Variants in LRRC31 observed in about 807,000 individuals in gnomAD.
The protein encoded by LRRC31 is leucine-rich repeat-containing protein 31.
LRRC31 carries 35 observed loss-of-function variants against 46.7 expected under a neutral mutation model. The ratio of observed to expected loss-of-function variants is 0.75; its 90% CI spans 0.57 to 0.99. The LOEUF (loss-of-function observed/expected upper bound fraction) is 0.99. Among genes scored for constraint, LRRC31 ranks in the 50% least tolerant of loss-of-function variants. The pLI is 0.00. For missense variants in LRRC31, 613 were observed against 626.1 expected, an observed-to-expected ratio of 0.98 and a Z score of 0.22; for synonymous variants, 236 against 235.1, an observed-to-expected ratio of 1.00 and a Z score of -0.03.
At chr3:169,867,047 G>GTTTTTTTTTTT (rs1560636105) in intron 1 of LRRC31, among the ~76,000 whole-genome samples, 2 of 92,678 alleles carry the variant, frequency 2.2e-5, no homozygotes, top group South Asian at 2.6e-4. Context: ...GGTTTTTTTT[G>GTTTTTTTTTTT]TTTGTTTGTT....
chr3:169,866,123 G>A (rs765041523), intron 1 of LRRC31, among the ~76,000 whole-genome samples: 1 of 152,186 alleles, frequency 6.6e-6, no homozygotes, highest in Admixed American at 6.5e-5. Context: ...TTAAGCAGGC[G>A]AGAGACACCA....
chr3:169,869,794 C>T lies in LRRC31; in HGVS notation c.14G>A (p.Arg5Lys). 1 of 1,611,780 alleles carries T rather than the reference C, an allele frequency of 6.2e-7. No individual in the cohort carries two copies. Among genetic ancestry groups the T allele is most frequent in the South Asian group, 1.1e-5 (1 of 90,044 alleles). The change falls in exon 1 of 9, where the codon AGG becomes AAG. Residue 5 changes from arginine (R) to lysine (K), a missense_variant. Transcript: ENST00000316428. Reference sequence around the variant, plus strand: ...TTCTCCTTCTGAGGAAGTTTTCTTCCTTGTTTGACTCATGGTGAAGTTGAT... The same window carrying T: ...TTCTCCTTCTGAGGAAGTTTTCTTCTTTGTTTGACTCATGGTGAAGTTGAT... Reference protein sequence around the residue: MSQTRKKTSSEGETK... With the variant: MSQTKKKTSSEGETK...
intron 1 of LRRC31, among the ~76,000 whole-genome samples, chr3:169,865,552 C>T (rs1024683335): frequency 6.6e-6 from 1 of 152,194 alleles, no homozygotes; most frequent in Non-Finnish European, 1.5e-5. Context: ...AACATTATTA[C>T]ACATTGGTAA....
chr3:169,862,152 G>A (rs546840319), intron 1 of LRRC31, among the ~76,000 whole-genome samples: 2 of 152,260 alleles, frequency 1.3e-5, no homozygotes, highest in Admixed American at 1.3e-4. Flanking sequence ...TGAAGGGCAC[G>A]CATATCTTTG....
intron 8 of LRRC31, among the ~76,000 whole-genome samples, chr3:169,843,110 A>G (rs909665155): frequency 6.6e-6 from 1 of 152,182 alleles, no homozygotes; most frequent in African/African-American, 2.4e-5. Context: ...ACCTAATCAC[A>G]TGAGCCCTTT....
At chr3:169,859,775 G>A (rs1260127827) in intron 3 of LRRC31, among the ~76,000 whole-genome samples, 1 of 152,156 alleles carries the variant, frequency 6.6e-6, no homozygotes, top group Non-Finnish European at 1.5e-5. Flanking sequence ...CTTAATTCTT[G>A]TCTACTCTAA....
chr3:169,844,651 A>T (rs1034138641), intron 8 of LRRC31, among the ~76,000 whole-genome samples: 30 of 152,298 alleles, frequency 2.0e-4, no homozygotes, highest in African/African-American at 7.0e-4. Flanking sequence ...ATCTGTCTCT[A>T]GGCCGGGCAC....
At chr3:169,841,970 A>G (rs1393079662) in intron 8 of LRRC31, among the ~76,000 whole-genome samples, 1 of 152,122 alleles carries the variant, frequency 6.6e-6, no homozygotes, top group Admixed American at 6.6e-5. Flanking sequence ...GCTTGAACCC[A>G]GGAGGTGGAG....
At chr3:169,865,399 A>AC (rs1781300574) in intron 1 of LRRC31, among the ~76,000 whole-genome samples, 1 of 152,178 alleles carries the variant, frequency 6.6e-6, no homozygotes, top group South Asian at 2.1e-4. Context: ...TAGTAACCAC[A>AC]CAGGAGCCGC....
At chr3:169,845,547 GCCA>G (rs1456707884) in intron 8 of LRRC31, among the ~76,000 whole-genome samples, 1 of 152,138 alleles carries the variant, frequency 6.6e-6, no homozygotes, top group African/African-American at 2.4e-5. Flanking sequence ...CCAGAAGTAG[GCCA>G]TCACAAATAT....
chr3:169,856,734 G>A lies in LRRC31; in HGVS notation c.626C>T (p.Ser209Phe). 6.3e-7 allele frequency: 1 copy of A among 1,597,470 alleles called. No homozygotes were observed. The highest frequency in any genetic ancestry group is 8.5e-7 in the Non-Finnish European group (1 of 1,171,722). ...AAATGTCCCATCTTCTGACGTGAGG[G>A]AGCAATCCACAAGCTCAATCATTTG... ...KIQMIELVDC[S>F]LTSEDGTFLG... The change falls in exon 4 of 9, where the codon TCC becomes TTC. Residue 209 changes from serine to phenylalanine, a missense_variant. Coordinates refer to ENST00000316428, the MANE Select transcript of LRRC31 (RefSeq NM_024727.4).
chr3:169,839,919 A>C lies in LRRC31; in HGVS notation c.*63T>G. 7.5e-7 allele frequency: 1 copy of C among 1,342,048 alleles called. No individual in the cohort carries two copies. Among genetic ancestry groups the C allele is most frequent in the Non-Finnish European group, 1.0e-6 (1 of 973,102 alleles). The allele number at this position is 1,342,048 out of a possible 1,614,324, so 83.1% of individuals were successfully genotyped here. On this transcript the variant is annotated 3_prime_UTR_variant, in exon 9 of 9. Transcript: ENST00000316428. ...TTGAAATTCAGTTCATGACTCTGGA[A>C]TTCGTTCATGTTCTTTTCCTTTGGA...
At chr3:169,848,467 T>A (rs1044876530) in intron 7 of LRRC31, among the ~76,000 whole-genome samples, 180 bp from the exon 8 acceptor site, 1 of 152,088 alleles carries the variant, frequency 6.6e-6, no homozygotes, top group Non-Finnish European at 1.5e-5. Flanking sequence ...GTTTTTTGTT[T>A]TTTGTTTTGA....
At chr3:169,858,725 T>A (rs1325405110) in intron 3 of LRRC31, among the ~76,000 whole-genome samples, 3 of 152,178 alleles carry the variant, frequency 2.0e-5, no homozygotes, top group African/African-American at 7.2e-5. Context: ...CACTAGAGGC[T>A]GGGCATGGTG....
intron 5 of LRRC31, among the ~76,000 whole-genome samples, chr3:169,855,455 C>A (rs1196022862): frequency 6.6e-6 from 1 of 152,158 alleles, no homozygotes; most frequent in Non-Finnish European, 1.5e-5. Flanking sequence ...CATACATTGC[C>A]AAGGGTTTTG....
intron 8 of LRRC31, among the ~76,000 whole-genome samples, chr3:169,841,412 T>C (rs143608619): frequency 1.3e-5 from 2 of 152,314 alleles, no homozygotes; most frequent in Non-Finnish European, 2.9e-5. Context: ...TCCAACTCCA[T>C]CACTTTCACT....
chr3:169,854,899 G>A lies in LRRC31; in HGVS notation c.905C>T (p.Ser302Leu), dbSNP rs369161694. The change falls in exon 6 of 9, where the codon TCG (serine) becomes TTG (leucine). Residue 302 changes from serine (S) to leucine (L), a missense_variant. Transcript: ENST00000316428. ...CTTTAGCATGACCAACTGAGCCGGC[G>A]AGTCTTCAAAACCTCCACCTAGATC... ...NKDLGGGFED[S>L]PAQLVMLKHL... 22 of 1,613,544 alleles carry A rather than the reference G, an allele frequency of 1.4e-5. No individual in the cohort carries two copies. The highest frequency in any genetic ancestry group is 1.6e-5 in the Non-Finnish European group (19 of 1,179,814).
At chr3:169,848,639 A>G (rs1191219997) in intron 7 of LRRC31, among the ~76,000 whole-genome samples, 3 of 152,064 alleles carry the variant, frequency 2.0e-5, no homozygotes. Flanking sequence ...TTTGTATTTT[A>G]ATAGAGACGC....
At chr3:169,852,265 C>T (rs997980448) in intron 6 of LRRC31, among the ~76,000 whole-genome samples, 2 of 150,524 alleles carry the variant, frequency 1.3e-5, no homozygotes, top group Admixed American at 6.6e-5. Flanking sequence ...TAGCCGGGCG[C>T]AGTGGCGGGC....
Sources: gnomAD v4.1 joint callset for allele counts (sites outside exome capture counted in the v4.1 genomes callset) on GRCh38, gnomAD v4.1.1 for gene constraint, MANE v1.5 for transcripts, NCBI Gene and HGNC (gene_info 2026-07-23, HGNC 2026-07-21) for gene names.